Variants in FBN1 observed in about 807,000 individuals in gnomAD.
The protein encoded by FBN1 is fibrillin 1.
In FBN1, 29 loss-of-function variants were observed where a neutral mutation model predicts 365.1. The observed-to-expected ratio is 0.08, with a 90% CI of 0.06 to 0.11. The LOEUF is 0.11. Ranked by LOEUF, FBN1 falls within the 10% of genes least tolerant of loss-of-function variation. The probability of loss-of-function intolerance (pLI) is 1.00; values close to 1 mark genes in which losing one functional copy is unlikely to be tolerated. For synonymous variants in FBN1, 1,210 were observed against 1,270.5 expected, an observed-to-expected ratio of 0.95 and a Z score of 1.01; for missense variants, 2,476 against 3,703.2, an observed-to-expected ratio of 0.67 and a Z score of 8.60.
At chr15:48,506,564 C>T (rs773768303) in intron 15 of FBN1, among the ~76,000 whole-genome samples, 2 of 152,106 alleles carry the variant, frequency 1.3e-5, no homozygotes, top group East Asian at 1.9e-4. Flanking sequence ...TTAATAAGAA[C>T]GGAGATGTAA....
chr15:48,427,942 G>A (rs747370723), intron 57 of FBN1, 169 bp from the exon 58 acceptor site: 16 of 714,526 alleles, frequency 2.2e-5, no homozygotes, highest in South Asian at 4.5e-5. Context: ...AAAGGATGAC[G>A]TCTGAGGGAA....
intron 18 of FBN1, among the ~76,000 whole-genome samples, chr15:48,498,179 T>A (rs2043623437): frequency 6.7e-6 from 1 of 148,734 alleles, no homozygotes; most frequent in African/African-American, 2.6e-5. Flanking sequence ...GGGTTGACTT[T>A]TTTTTTTTCT....
chr15:48,493,842 T>C (rs1384364091), intron 23 of FBN1, among the ~76,000 whole-genome samples: 4 of 152,168 alleles, frequency 2.6e-5, no homozygotes, highest in African/African-American at 9.7e-5. Flanking sequence ...CCCATGACTG[T>C]GAAACAAACA....
chr15:48,478,157 G>A (rs1176966431), intron 32 of FBN1, among the ~76,000 whole-genome samples: 1 of 152,196 alleles, frequency 6.6e-6, no homozygotes, highest in Non-Finnish European at 1.5e-5. Flanking sequence ...ACCATGAATG[G>A]AGAGGCCAAA....
At chr15:48,412,905 T>C (rs2042875595) in intron 64 of FBN1, among the ~76,000 whole-genome samples, 162 bp from the exon 65 acceptor site, 2 of 152,212 alleles carry the variant, frequency 1.3e-5, no homozygotes, top group South Asian at 4.1e-4. Context: ...AGGTCCTCTG[T>C]TTGGCCTCTA....
chr15:48,511,036 G>A (rs1269696756), intron 13 of FBN1, among the ~76,000 whole-genome samples: 1 of 152,192 alleles, frequency 6.6e-6, no homozygotes, highest in Non-Finnish European at 1.5e-5. Context: ...CCAGAAGACA[G>A]GGACCAAGAA....
At chr15:48,434,806 T>C (rs2043053097) in intron 53 of FBN1, 93 bp from the exon 54 acceptor site, 1 of 1,497,648 alleles carries the variant, frequency 6.7e-7, no homozygotes, top group Non-Finnish European at 9.2e-7. Context: ...TTTGTTGTTG[T>C]TGTTGTTTTG....
rs1175279295 is a variant in FBN1, at chr15:48,524,199, GA to G, written c.988+1930del. ...ATGCCACAGGAAGATCACAGAACAA[GA>G]AATAAAATAATACTAAAAGAGCTTA... On this transcript the variant is annotated intron_variant, in intron 9 of 65. Coordinates refer to ENST00000316623, the MANE Select transcript of FBN1 (RefSeq NM_000138.5). Among the ~76,000 whole-genome samples the G allele has an allele frequency of 2.6e-5, 4 of 152,250 alleles. No homozygotes were observed. The East Asian group carries it at 7.7e-4, about 29-fold the overall frequency.
Position 48,465,549 on chromosome 15 carries a change from T to G in FBN1, c.4942+19A>C. On this transcript the variant is annotated intron_variant, in intron 40 of 65. Transcript: ENST00000316623. ...TCTTGATATCTGCAAGACCTTATCA[T>G]CCTACCAGGACCATTTACCATCACA... 1.2e-6 allele frequency: 2 copies of G among 1,613,808 alleles called. No individual in the cohort carries two copies. The highest frequency in any genetic ancestry group is 1.7e-6 in the Non-Finnish European group (2 of 1,179,866).
intron 8 of FBN1, among the ~76,000 whole-genome samples, chr15:48,526,735 T>G (rs74011849): frequency 6.6e-6 from 1 of 152,136 alleles, no homozygotes; most frequent in Non-Finnish European, 1.5e-5. Context: ...TGATCCCAAC[T>G]TGGCCAACTT....
At chr15:48,441,675 A>C (rs745540651) in intron 50 of FBN1, 46 bp downstream of exon 50, 2 of 1,611,840 alleles carry the variant, frequency 1.2e-6, no homozygotes, top group East Asian at 2.2e-5. Flanking sequence ...GACCACCACA[A>C]ATAAACATGC....
chr15:48,630,747 A>AG (rs1326743341), intron 2 of FBN1, among the ~76,000 whole-genome samples: 36 of 142,974 alleles, frequency 2.5e-4, no homozygotes, highest in Admixed American at 7.4e-4. Context: ...AAAAAAAAAA[A>AG]AAAGAAAAGA....
chr15:48,564,622 GA>G (rs1873989222), intron 6 of FBN1, among the ~76,000 whole-genome samples: 1 of 152,026 alleles, frequency 6.6e-6, no homozygotes, highest in African/African-American at 2.4e-5. Context: ...ACATATCGAT[GA>G]AATAAATATT....
chr15:48,564,397 G>A (rs543072449), intron 6 of FBN1, among the ~76,000 whole-genome samples: 275 of 152,218 alleles, frequency 1.8e-3, no homozygotes, highest in Non-Finnish European at 2.9e-3. Flanking sequence ...AAGCCAATGC[G>A]GTTTTGTGTG....
intron 4 of FBN1, among the ~76,000 whole-genome samples, chr15:48,601,864 G>C (rs1173727772): frequency 6.6e-6 from 1 of 152,168 alleles, no homozygotes; most frequent in Non-Finnish European, 1.5e-5. Flanking sequence ...TCAAAGGCCT[G>C]TTTCTACTGA....
chr15:48,477,355 G>C (rs1049982989), intron 32 of FBN1, among the ~76,000 whole-genome samples: 1 of 152,148 alleles, frequency 6.6e-6, no homozygotes, highest in Non-Finnish European at 1.5e-5. Context: ...GGGCTTTTGG[G>C]TAATAGGAGA....
intron 46 of FBN1, among the ~76,000 whole-genome samples, 173 bp from the exon 47 acceptor site, chr15:48,446,995 G>A (rs1388186668): frequency 6.6e-6 from 1 of 152,154 alleles, no homozygotes; most frequent in Admixed American, 6.6e-5. Flanking sequence ...ACCAGGCAGC[G>A]GCAAAGCTCT....
chr15:48,632,479 T>C (rs1890006274), intron 2 of FBN1, among the ~76,000 whole-genome samples: 1 of 152,204 alleles, frequency 6.6e-6, no homozygotes, highest in Non-Finnish European at 1.5e-5. Context: ...AGTAATTTAA[T>C]CGCATTTACA....
chr15:48,520,817 T>C lies in FBN1; in HGVS notation c.989A>G (p.Asp330Gly), dbSNP rs1447337917. The C allele has an allele frequency of 3.7e-6, 6 of 1,613,980 alleles. No homozygotes were observed. In the African/African-American group the frequency reaches 5.3e-5, roughly 14 times the overall value. ...YTSPDGTRCIDVRPGYCYTAL... is the reference protein window; with the variant it reads ...YTSPDGTRCIGVRPGYCYTAL... ...TGTGTAACAGTATCCTGGGCGAACA[T>C]CTGAGGACAAAGAAACACATACACA... Residue 330 changes from aspartate (D) to glycine (G), a missense_variant and splice_region_variant, in exon 10 of 66, where the codon GAT becomes GGT. By Grantham distance (94) the Asp-to-Gly change is moderately conservative (BLOSUM62 -1). Around this residue, in one of 5 missense-constraint regions of FBN1, gnomAD observed 421 missense variants for 520.1 expected, o/e 0.81. Coordinates refer to ENST00000316623, the MANE Select transcript of FBN1 (RefSeq NM_000138.5).
Sources: gnomAD v4.1 joint callset for allele counts (sites outside exome capture counted in the v4.1 genomes callset) on GRCh38, gnomAD v4.1.1 for gene constraint, gnomAD v4.1.1 regional missense constraint, MANE v1.5 for transcripts, NCBI Gene and HGNC (gene_info 2026-07-23, HGNC 2026-07-21) for gene names.